ANK2: variants seen among roughly 807,000 people sequenced by gnomAD.
ANK2 encodes ankyrin 2.
In ANK2, 83 loss-of-function variants were observed where a neutral mutation model predicts 360.5. That is an observed-to-expected ratio of 0.23 (90% confidence interval 0.19 to 0.28). The LOEUF is 0.28. Ranked by LOEUF, ANK2 falls within the 10% of genes least tolerant of loss-of-function variation. The pLI, the probability that ANK2 is intolerant of heterozygous loss-of-function variation, is 1.00. For missense variants in ANK2, 4,201 were observed against 4,795.7 expected, an observed-to-expected ratio of 0.88 and a Z score of 3.66; for synonymous variants, 1,740 against 1,759.5, an observed-to-expected ratio of 0.99 and a Z score of 0.28.
intron 2 of ANK2, among the ~76,000 whole-genome samples, chr4:113,003,291 G>A (rs1561493804): frequency 1.3e-5 from 2 of 152,102 alleles, no homozygotes; most frequent in Non-Finnish European, 2.9e-5. Context: ...GGCATGACAT[G>A]TTTTTGCTTA....
At chr4:113,276,455 G>T (rs754920397) in intron 15 of ANK2, among the ~76,000 whole-genome samples, 11 of 152,128 alleles carry the variant, frequency 7.2e-5, no homozygotes, top group Non-Finnish European at 1.6e-4. Flanking sequence ...ACTTATAAGA[G>T]TTGGATCACT....
At chr4:112,978,677 A>G (rs2042184706) in intron 2 of ANK2, among the ~76,000 whole-genome samples, 1 of 152,172 alleles carries the variant, frequency 6.6e-6, no homozygotes, top group Admixed American at 6.5e-5. Context: ...AAGGCTGAAT[A>G]ATATTCCACT....
At chr4:113,326,174 G>A (rs2089765104) in intron 26 of ANK2, among the ~76,000 whole-genome samples, 1 of 152,032 alleles carries the variant, frequency 6.6e-6, no homozygotes, top group Admixed American at 6.6e-5. Flanking sequence ...TTTTTTACGT[G>A]GTAGAATACC....
intron 14 of ANK2, among the ~76,000 whole-genome samples, chr4:113,266,321 T>A (rs1467672576): frequency 2.6e-5 from 4 of 152,234 alleles, no homozygotes; most frequent in Non-Finnish European, 5.9e-5. Context: ...TTCCATGGTG[T>A]ATATGTGCCA....
intron 2 of ANK2, among the ~76,000 whole-genome samples, chr4:112,958,856 T>TTTTTCTTTTTC (rs1419445068): frequency 7.6e-5 from 11 of 143,990 alleles, no homozygotes; most frequent in African/African-American, 2.9e-4. Flanking sequence ...TTTCTTTTTC[T>TTTTTCTTTTTC]TTTTTTTTGG....
the ANK2 span, among the ~76,000 whole-genome samples, chr4:112,773,612 A>G: frequency 3.7e-4 from 57 of 152,274 alleles, no homozygotes; most frequent in African/African-American, 1.4e-3. Flanking sequence ...ATGATTAGTC[A>G]GATTTGAGAG....
intron 2 of ANK2, among the ~76,000 whole-genome samples, chr4:112,959,000 C>T (rs1187637589): frequency 6.6e-6 from 1 of 152,046 alleles, no homozygotes; most frequent in Non-Finnish European, 1.5e-5. Flanking sequence ...AGGTGCCCGC[C>T]ACCACGCCCG....
intron 1 of ANK2, among the ~76,000 whole-genome samples, chr4:113,162,846 T>C (rs1313302067): frequency 2.6e-5 from 4 of 151,908 alleles, no homozygotes; most frequent in Non-Finnish European, 5.9e-5. Context: ...TGGTACATAG[T>C]AGGTACTTCA....
At chr4:113,139,972 A>G (rs1051321378) in intron 1 of ANK2, among the ~76,000 whole-genome samples, 4 of 152,356 alleles carry the variant, frequency 2.6e-5, no homozygotes, top group Non-Finnish European at 5.9e-5. Context: ...ATTGACCTCA[A>G]TTAGAAAAAT....
In ANK2 at chr4:112,861,795, T is replaced by C. The variant is rs2068099671; in HGVS notation, c.-39-42660T>C. ...TATGAATTGCACTAATTCTTCTTTG[T>C]TGAAAACAAACAGGCAAGCAACAAA... is the stretch of plus-strand genomic sequence containing the variant. On this transcript the variant is annotated intron_variant, in intron 1 of 30. Coordinates refer to the ANK2 transcript ENST00000503271. Among the ~76,000 whole-genome samples the C allele has an allele frequency of 4.7e-5, 7 of 149,176 alleles. 1 individual carries two copies. Among genetic ancestry groups the C allele is most frequent in the Admixed American group, 3.4e-4 (5 of 14,576 alleles).
At chr4:113,247,658 G>C (rs186290069) in intron 9 of ANK2, among the ~76,000 whole-genome samples, 5 of 152,258 alleles carry the variant, frequency 3.3e-5, no homozygotes, top group Middle Eastern at 3.4e-3. Context: ...GTTAAATAGG[G>C]TGAGAAACAT....
the ANK2 span, among the ~76,000 whole-genome samples, chr4:112,712,408 T>A: frequency 0.025 from 2,257 of 91,896 alleles, 43 homozygotes; most frequent in African/African-American, 0.086. Context: ...ATATATATAT[T>A]TTTTTTTTTT....
intron 2 of ANK2, among the ~76,000 whole-genome samples, chr4:113,019,017 C>A (rs2057373543): frequency 6.6e-6 from 1 of 152,098 alleles, no homozygotes. Context: ...AACTATGCAA[C>A]TTCCTTTTTG....
intron 2 of ANK2, among the ~76,000 whole-genome samples, chr4:112,940,193 T>C (rs2094103260): frequency 6.6e-6 from 1 of 152,212 alleles, no homozygotes; most frequent in South Asian, 2.1e-4. Context: ...AAAACACAAT[T>C]ACAGGCATTT....
At chr4:112,875,627 C>T (rs1283389372) in intron 1 of ANK2, among the ~76,000 whole-genome samples, 5 of 152,018 alleles carry the variant, frequency 3.3e-5, no homozygotes, top group African/African-American at 9.7e-5. Context: ...TGAGCCACCA[C>T]GCACAGCCCC....
intron 23 of ANK2, among the ~76,000 whole-genome samples, chr4:113,303,126 T>A (rs895765950): frequency 3.3e-5 from 5 of 152,242 alleles, no homozygotes; most frequent in Non-Finnish European, 7.3e-5. Context: ...ACTGGCCATG[T>A]GTTAAAATAG....
chr4:112,748,825 A>C, the ANK2 span, among the ~76,000 whole-genome samples: 2 of 151,962 alleles, frequency 1.3e-5, no homozygotes, highest in Non-Finnish European at 2.9e-5. Flanking sequence ...CAGATATTCA[A>C]CTTAGTAAAC....
intron 1 of ANK2, among the ~76,000 whole-genome samples, chr4:112,866,213 C>T (rs2070465033): frequency 6.6e-6 from 1 of 152,300 alleles, no homozygotes; most frequent in South Asian, 2.1e-4. Flanking sequence ...TTATGTCCTC[C>T]TATCTCCTGC....
chr4:113,365,203 G>GTGTGTGTGTGTGTA (rs2096466060), intron 41 of ANK2, 21 bp downstream of exon 41: 7 of 55,266 alleles, frequency 1.3e-4, no homozygotes, highest in Non-Finnish European at 2.3e-4. Context: ...GTGTGTGTAT[G>GTGTGTGTGTGTGTA]TGTGTGTGTG....
Sources: allele counts gnomAD v4.1 joint callset (sites outside exome capture counted in the v4.1 genomes callset), GRCh38; gene constraint gnomAD v4.1.1; transcripts MANE v1.5; gene names NCBI Gene and HGNC (gene_info 2026-07-23, HGNC 2026-07-21).